The following CUTC variants were observed in gnomAD, a reference collection of about 807,000 sequenced individuals.
The protein encoded by CUTC is cutC copper transporter.
Under a neutral mutation model 36.2 loss-of-function variants are expected in CUTC, and 27 were observed. That is an observed-to-expected ratio of 0.75 (90% CI 0.55 to 1.03). The LOEUF is 1.03. Ranked by LOEUF, CUTC falls within the 50% of genes least tolerant of loss-of-function variation. CUTC has a pLI of 0.00. For missense variants in CUTC, 315 were observed against 343.5 expected, an observed-to-expected ratio of 0.92 and a Z score of 0.66; for synonymous variants, 114 against 118.3, an observed-to-expected ratio of 0.96 and a Z score of 0.24.
intron 2 of CUTC, among the ~76,000 whole-genome samples, chr10:99,737,782 C>T (rs2037308562): frequency 6.6e-6 from 1 of 152,164 alleles, no homozygotes; most frequent in African/African-American, 2.4e-5. Context: ...CTTCCTCTCC[C>T]AACCTCAGAT....
chr10:99,750,307 CTTA>C (rs1259819231), intron 6 of CUTC, 59 bp from the exon 7 acceptor site: 20 of 1,260,096 alleles, frequency 1.6e-5, no homozygotes, highest in Non-Finnish European at 2.1e-5. Context: ...TTCTCACTGC[CTTA>C]TTATCCCATT....
chr10:99,747,121 T>C, intron 5 of CUTC, 136 bp from the exon 6 acceptor site: 1 of 924,502 alleles, frequency 1.1e-6, no homozygotes, highest in Non-Finnish European at 1.6e-6. Flanking sequence ...CTTGCAGAAT[T>C]CTTGAGTGTT....
chr10:99,738,638 C>T (rs984993494), intron 2 of CUTC, among the ~76,000 whole-genome samples: 8 of 152,154 alleles, frequency 5.3e-5, no homozygotes, highest in Non-Finnish European at 1.2e-4. Flanking sequence ...ACATAGTCCT[C>T]TGACCACTGT....
At chr10:99,745,095 T>A (rs773690005) in intron 5 of CUTC, among the ~76,000 whole-genome samples, 3 of 152,234 alleles carry the variant, frequency 2.0e-5, no homozygotes, top group Non-Finnish European at 4.4e-5. Context: ...GGCTACACCT[T>A]GGTAAAATGG....
At chr10:99,733,646 G>C (rs929180958) in intron 1 of CUTC, among the ~76,000 whole-genome samples, 3 of 152,004 alleles carry the variant, frequency 2.0e-5, no homozygotes, top group Admixed American at 6.6e-5. Context: ...AAAAGAAAAC[G>C]CCTCTCACTT....
chr10:99,755,833 C>T lies in CUTC; in HGVS notation c.*94C>T. The T allele has an allele frequency of 1.3e-6, 1 of 773,510 alleles. No homozygotes were observed. The highest frequency in any genetic ancestry group is 2.1e-6 in the Non-Finnish European group (1 of 468,230). 47.9% of individuals were successfully genotyped at this position (773,510 alleles called of 1,614,324 possible). On this transcript the variant is annotated 3_prime_UTR_variant, in exon 9 of 9. Coordinates refer to ENST00000370476, the MANE Select transcript of CUTC (RefSeq NM_015960.3). ...CACAGCTTTAACCTTCTTCTCTGGC[C>T]AGGACAGTCGCAATCTTTGTTTTAA...
Position 99,739,780 on chromosome 10 carries a change from A to G in CUTC, c.193+11A>G. The stretch of plus-strand genomic sequence containing the variant: ...CTACACCCAGCATGGGTAAGTGTCC[A>G]TTTTTCCCAGGTTTTCTGATTGGAG... On this transcript the variant is annotated intron_variant, in intron 3 of 8. Coordinates refer to ENST00000370476, the MANE Select transcript of CUTC (RefSeq NM_015960.3). 6.2e-7 allele frequency: 1 copy of G among 1,604,184 alleles called. No individual in the cohort carries two copies. Among genetic ancestry groups the G allele is most frequent in the Non-Finnish European group, 8.5e-7 (1 of 1,176,746 alleles).
In CUTC at chr10:99,736,325, A is replaced by C. The variant is rs769386517; in HGVS notation, c.133+8A>C. The C allele has an allele frequency of 5.6e-6, 9 of 1,606,316 alleles. No homozygotes were observed. Among genetic ancestry groups the C allele is most frequent in the Non-Finnish European group, 5.1e-6 (6 of 1,173,140 alleles). Reference sequence around the variant, plus strand: ...TGAATGCAGAAAGAGGAGGTAAGAGAAATCAGATAGTGAATGACCGTTGGC... The same window carrying C: ...TGAATGCAGAAAGAGGAGGTAAGAGCAATCAGATAGTGAATGACCGTTGGC... On this transcript the variant is annotated splice_region_variant and intron_variant, in intron 2 of 8. Coordinates refer to ENST00000370476, the MANE Select transcript of CUTC (RefSeq NM_015960.3).
intron 5 of CUTC, among the ~76,000 whole-genome samples, chr10:99,746,851 AGTC>A (rs1163146708): frequency 6.6e-6 from 1 of 152,188 alleles, no homozygotes; most frequent in Non-Finnish European, 1.5e-5. Flanking sequence ...GGCTCACTGC[AGTC>A]TCGACCCCTT....
chr10:99,755,564 C>T (rs186409337), intron 8 of CUTC, 61 bp from the exon 9 acceptor site: 47 of 1,015,688 alleles, frequency 4.6e-5, no homozygotes, highest in African/African-American at 1.1e-4. Flanking sequence ...TAAAATGAAG[C>T]GGCAGTAGGA....
intron 5 of CUTC, among the ~76,000 whole-genome samples, chr10:99,745,178 A>T (rs1020352023): frequency 2.6e-5 from 4 of 152,316 alleles, no homozygotes; most frequent in Admixed American, 1.3e-4. Flanking sequence ...GTCAAAAAAA[A>T]TTTTTTTACT....
At chr10:99,745,767 G>A (rs1405596282) in intron 5 of CUTC, among the ~76,000 whole-genome samples, 1 of 152,236 alleles carries the variant, frequency 6.6e-6, no homozygotes, top group Non-Finnish European at 1.5e-5. Flanking sequence ...TGAGGCAGGA[G>A]AATCACTTGA....
chr10:99,745,627 G>T (rs1000478160), intron 5 of CUTC, among the ~76,000 whole-genome samples: 2 of 152,212 alleles, frequency 1.3e-5, no homozygotes, highest in African/African-American at 4.8e-5. Context: ...GGGAGACCGA[G>T]GTGGGTGGAT....
At chr10:99,743,390 G>A (rs1173120171) in intron 4 of CUTC, 28 bp downstream of exon 4, 6 of 1,578,560 alleles carry the variant, frequency 3.8e-6, no homozygotes, top group Admixed American at 3.3e-5. Context: ...AGACGTAAAA[G>A]CCTCTAATGA....
intron 1 of CUTC, among the ~76,000 whole-genome samples, chr10:99,733,052 A>G (rs1045413024): frequency 2.0e-5 from 3 of 152,174 alleles, no homozygotes; most frequent in African/African-American, 7.2e-5. Context: ...TAGAAATTAA[A>G]ACAAATTTTT....
chr10:99,737,258 A>G (rs1362804356), intron 2 of CUTC, among the ~76,000 whole-genome samples: 2 of 151,618 alleles, frequency 1.3e-5, no homozygotes, highest in African/African-American at 4.8e-5. Flanking sequence ...ACACAGCCAG[A>G]TCTTGTCTAA....
At chr10:99,743,445 C>A (rs1326411956) in intron 4 of CUTC, 83 bp downstream of exon 4, 4 of 1,322,346 alleles carry the variant, frequency 3.0e-6, no homozygotes, top group Non-Finnish European at 4.3e-6. Context: ...CATCACAAAA[C>A]TGACTTTGCG....
intron 2 of CUTC, 39 bp from the exon 3 acceptor site, chr10:99,739,671 T>C (rs1289905233): frequency 1.9e-6 from 3 of 1,595,788 alleles, no homozygotes; most frequent in South Asian, 2.3e-5. Context: ...TAACAGCTTA[T>C]TTTTTAAAAA....
intron 7 of CUTC, among the ~76,000 whole-genome samples, chr10:99,751,047 AAGT>A (rs2037412407): frequency 6.6e-6 from 1 of 152,204 alleles, no homozygotes. Context: ...ACATATAAAA[AAGT>A]AGAAAATAGC....
Sources: allele counts gnomAD v4.1 joint callset (sites outside exome capture counted in the v4.1 genomes callset), GRCh38; gene constraint gnomAD v4.1.1; transcripts MANE v1.5; gene names NCBI Gene and HGNC (gene_info 2026-07-23, HGNC 2026-07-21).